ABAT: variants seen among roughly 807,000 people sequenced by gnomAD.
The protein encoded by ABAT is 4-aminobutyrate aminotransferase, mitochondrial.
In ABAT, 45 loss-of-function variants were observed where a neutral mutation model predicts 64.6. The observed-to-expected ratio is 0.70, with a 90% CI of 0.55 to 0.89. The LOEUF (loss-of-function observed/expected upper bound fraction) is 0.89, where lower values mean the gene tolerates loss of function less well. Among genes scored for constraint, ABAT ranks in the 40% least tolerant of loss-of-function variants. The probability of loss-of-function intolerance (pLI) is 0.00; values close to 1 mark genes in which losing one functional copy is unlikely to be tolerated. For missense variants in ABAT, 633 were observed against 658.4 expected (o/e 0.96, Z 0.42); for synonymous variants, 297 against 250.5 (o/e 1.19, Z -1.75).
At chr16:8,682,867 C>T (rs954955796) in intron 1 of ABAT, among the ~76,000 whole-genome samples, 1 of 152,176 alleles carries the variant, frequency 6.6e-6, no homozygotes, top group Non-Finnish European at 1.5e-5. Flanking sequence ...CCCAGAACTA[C>T]AGAATGTGAA....
chr16:8,719,991 T>C (rs530637941), intron 1 of ABAT, among the ~76,000 whole-genome samples: 1 of 152,296 alleles, frequency 6.6e-6, no homozygotes, highest in South Asian at 2.1e-4. Flanking sequence ...TCTGTATTTT[T>C]TTGTAGAGTT....
chr16:8,743,426 T>TAG (rs2059226377), intron 2 of ABAT, among the ~76,000 whole-genome samples: 1 of 65,020 alleles, frequency 1.5e-5, no homozygotes, highest in Non-Finnish European at 3.2e-5. Flanking sequence ...GAAACAGTTA[T>TAG]ATATATATAT....
In ABAT at chr16:8,764,111, G is replaced by T; in HGVS notation, c.409G>T (p.Glu137Ter). Residue 137 changes from glutamate (E) to a stop codon, truncating the protein, a stop_gained, in exon 7 of 16, where the codon GAG becomes TAG. Transcript: ENST00000268251. LOFTEE classifies it high-confidence loss of function. This position sits in a 1 kb window ranked among gnomAD's most constrained non-coding sequence, Gnocchi z 4.2. ...ACCCGCCCTCGGAATCCTGCCTCCGGAGAACTTTGTGGAGAAGCTCCGGCA... is the reference window on the plus strand; with the variant it reads ...ACCCGCCCTCGGAATCCTGCCTCCGTAGAACTTTGTGGAGAAGCTCCGGCA... ...NRPALGILPPENFVEKLRQSL... is the reference protein window; with the variant it reads ...NRPALGILPP The T allele has an allele frequency of 6.2e-7, 1 of 1,613,674 alleles. No individual in the cohort carries two copies.
At chr16:8,745,743 G>C (rs571951073) in intron 2 of ABAT, among the ~76,000 whole-genome samples, 56 of 152,294 alleles carry the variant, frequency 3.7e-4, no homozygotes, top group Middle Eastern at 3.4e-3. Context: ...GCATCAGCTT[G>C]TACTCATGCC....
chr16:8,757,265 TC>T, intron 5 of ABAT: 1 of 424,150 alleles, frequency 2.4e-6, no homozygotes, highest in South Asian at 1.7e-5. Context: ...CCTCTTGTGT[TC>T]AAGAGATTCT....
rs2060089476 is a variant in ABAT at position 8,771,007 on chromosome 16, A to G, written c.817-1773A>G. ...ACTTACAGCACAATGCTCTAAAAAC[A>G]AAGAAAAACCGGGCGCGGTGGCTCA... On this transcript the variant is annotated intron_variant, in intron 11 of 15. Transcript: ENST00000268251. Among the ~76,000 whole-genome samples the G allele has an allele frequency of 2.6e-5, 4 of 152,210 alleles. No individual in the cohort carries two copies. The South Asian group carries it at 8.3e-4, about 32-fold the overall frequency.
At chr16:8,681,458 CTTT>C (rs34327953) in intron 1 of ABAT, among the ~76,000 whole-genome samples, 2 of 133,728 alleles carry the variant, frequency 1.5e-5, no homozygotes. Context: ...AGCCTCTACA[CTTT>C]TTTTTTTTTT....
At position 8,756,902 on chromosome 16, in the gene ABAT, G is replaced by T. The variant is rs768214281; in HGVS notation, c.317-855G>T. Among the ~76,000 whole-genome samples, 10 of 152,180 alleles carry T rather than the reference G, an allele frequency of 6.6e-5. 1 individual carries two copies. The highest frequency in any genetic ancestry group is 1.5e-4 in the Non-Finnish European group (10 of 68,036). On this transcript the variant is annotated intron_variant, in intron 5 of 15. Coordinates refer to ENST00000268251, the MANE Select transcript of ABAT (RefSeq NM_020686.6). Reference sequence around the variant, plus strand: ...ATCCGAGTGTGCTAAGCCTTGTTGTGCAATGTCAGGCCCAGTCTGGATGGT... The same window carrying T: ...ATCCGAGTGTGCTAAGCCTTGTTGTTCAATGTCAGGCCCAGTCTGGATGGT...
In ABAT at chr16:8,776,091, G is replaced by T. The variant is rs192612977; in HGVS notation, c.1123-253G>T. 6.1e-3 allele frequency among the ~76,000 whole-genome samples: 923 copies of T among 152,284 alleles called. 11 individuals carry two copies. Among genetic ancestry groups the T allele is most frequent in the Non-Finnish European group, 6.6e-3 (452 of 68,020 alleles). On this transcript the variant is annotated intron_variant, in intron 13 of 15. Coordinates refer to ENST00000268251, the MANE Select transcript of ABAT (RefSeq NM_020686.6). The surrounding 1 kb of genome is among the most constrained non-coding windows in gnomAD (Gnocchi z 4.4). ...GATTTCCCAGTGCATGGGACGATTT[G>T]GTCCTCCCCATAGCAGTTCCTACAT...
intron 1 of ABAT, among the ~76,000 whole-genome samples, chr16:8,728,063 C>T (rs578025865): frequency 7.3e-6 from 1 of 136,380 alleles, no homozygotes; most frequent in South Asian, 2.4e-4. Flanking sequence ...AGAGTGAGAC[C>T]CTGTCAGAGA....
At position 8,743,187 on chromosome 16, in the gene ABAT, T is replaced by C. The variant is rs1182365842; in HGVS notation, c.71-2814T>C. Among the ~76,000 whole-genome samples the C allele has an allele frequency of 9.9e-5, 15 of 151,388 alleles. No homozygotes were observed. In the East Asian group the frequency reaches 2.3e-3, roughly 23 times the overall value. ...GGTACTTTATGTTCAAAAGACAGCA[T>C]GATGTTACATAATTAATTCAGAAAC... On this transcript the variant is annotated intron_variant, in intron 2 of 15. Coordinates refer to ENST00000268251, the MANE Select transcript of ABAT (RefSeq NM_020686.6).
intron 1 of ABAT, among the ~76,000 whole-genome samples, chr16:8,691,890 CA>C (rs1434877135): frequency 2.6e-5 from 4 of 152,150 alleles, no homozygotes; most frequent in Admixed American, 2.0e-4. Context: ...TACCTGGCCC[CA>C]AAAGTCAATA....
chr16:8,705,261 A>G (rs1450764927), intron 1 of ABAT, among the ~76,000 whole-genome samples: 1 of 151,596 alleles, frequency 6.6e-6, no homozygotes, highest in African/African-American at 2.4e-5. Context: ...AGGTGGCAGG[A>G]GAGAGAGAGA....
intron 11 of ABAT, among the ~76,000 whole-genome samples, chr16:8,770,311 G>A (rs2060068770): frequency 6.6e-6 from 1 of 152,156 alleles, no homozygotes; most frequent in Non-Finnish European, 1.5e-5. Context: ...CTAATTTTTT[G>A]TATTTTTAAT....
chr16:8,719,327 C>G (rs190402319), intron 1 of ABAT, among the ~76,000 whole-genome samples: 325 of 152,324 alleles, frequency 2.1e-3, no homozygotes, highest in Non-Finnish European at 3.4e-3. Context: ...CTTGTAGGAT[C>G]AGAAATCCAA....
rs548023257 is a variant in ABAT at position 8,769,747 on chromosome 16, C to G, written c.816+774C>G. On this transcript the variant is annotated intron_variant, in intron 11 of 15. Transcript: ENST00000268251. ...GGACAGGCAGCACCCCCCTACCCCC[C>G]GTTTCCACGTCATCTAACACAGCCC... 1.4e-4 allele frequency among the ~76,000 whole-genome samples: 22 copies of G among 152,284 alleles called. No homozygotes were observed. In the East Asian group the frequency reaches 3.5e-3, roughly 24 times the overall value.
intron 1 of ABAT, among the ~76,000 whole-genome samples, chr16:8,733,089 TC>T (rs1437923557): frequency 1.0e-4 from 14 of 135,770 alleles, no homozygotes; most frequent in Admixed American, 2.9e-4. Context: ...CCCCCCCACC[TC>T]CCTCCCGGAT....
chr16:8,756,841 A>G (rs556301604), intron 5 of ABAT, among the ~76,000 whole-genome samples: 2 of 152,338 alleles, frequency 1.3e-5, no homozygotes, highest in South Asian at 2.1e-4. Context: ...CTTTATACAC[A>G]CTGGTAGGAT....
At chr16:8,702,131 G>A (rs1176333953) in intron 1 of ABAT, among the ~76,000 whole-genome samples, 3 of 152,148 alleles carry the variant, frequency 2.0e-5, no homozygotes, top group Non-Finnish European at 1.5e-5. Context: ...TCTGCGGGCT[G>A]TACAGGAAGT....
Sources: allele counts gnomAD v4.1 joint callset (sites outside exome capture counted in the v4.1 genomes callset), GRCh38; gene constraint gnomAD v4.1.1; non-coding constraint Gnocchi (gnomAD v3.1); transcripts MANE v1.5; gene names NCBI Gene and HGNC (gene_info 2026-07-23, HGNC 2026-07-21).